MRM3: variants seen among roughly 807,000 people sequenced by gnomAD.
MRM3 encodes mitochondrial rRNA methyltransferase 3, also known as rRNA methyltransferase 3, mitochondrial.
Under a neutral mutation model 29.4 loss-of-function variants are expected in MRM3, and 26 were observed. That is an observed-to-expected ratio of 0.89 (90% CI 0.65 to 1.23). The LOEUF is 1.23. Among genes scored for constraint, MRM3 ranks in the 50% most tolerant of loss-of-function variants. The pLI, the probability that MRM3 is intolerant of heterozygous loss-of-function variation, is 0.00. For synonymous variants in MRM3, 225 were observed against 219.0 expected, an observed-to-expected ratio of 1.03 and a Z score of -0.24; for missense variants, 578 against 540.2, an observed-to-expected ratio of 1.07 and a Z score of -0.69.
At chr17:782,953 G>A in intron 1 of MRM3, 130 bp from the exon 2 acceptor site, 2 of 1,328,804 alleles carry the variant, frequency 1.5e-6, no homozygotes, top group East Asian at 2.4e-5. Flanking sequence ...CTCCCAATGT[G>A]CTGGGATTAC....
chr17:784,333 CT>C (rs1296322340), intron 2 of MRM3, among the ~76,000 whole-genome samples: 2 of 152,190 alleles, frequency 1.3e-5, no homozygotes, highest in Non-Finnish European at 2.9e-5. Flanking sequence ...AGGATGGGGA[CT>C]TGGATTACTA....
intron 3 of MRM3, among the ~76,000 whole-genome samples, chr17:789,568 C>G (rs762165342): frequency 1.3e-5 from 2 of 152,180 alleles, no homozygotes; most frequent in Non-Finnish European, 2.9e-5. Flanking sequence ...ACCCCAGCCA[C>G]CATTAAAAGT....
At chr17:786,479 A>G (rs1910540482) in intron 2 of MRM3, among the ~76,000 whole-genome samples, 1 of 152,030 alleles carries the variant, frequency 6.6e-6, no homozygotes, top group South Asian at 2.1e-4. Context: ...GTTTCACCGT[A>G]TTAGCCAGGA....
At chr17:788,325 G>C (rs1597596772) in intron 3 of MRM3, 193 bp downstream of exon 3, 1 of 545,950 alleles carries the variant, frequency 1.8e-6, no homozygotes, top group East Asian at 3.1e-5. Context: ...CCAGCAACTT[G>C]GGAGGCTGAG....
In MRM3 at chr17:782,386, C is replaced by A. The variant is rs1287098863; in HGVS notation, c.8C>A (p.Ala3Glu). The part of the protein sequence containing the change: MA[A>E]LVRPARFVVR... ...GCCCGGGTCTCAGGGAACATGGCGGCGCTGGTGAGACCCGCGAGGTTTGTC... is the reference window on the plus strand; with the variant it reads ...GCCCGGGTCTCAGGGAACATGGCGGAGCTGGTGAGACCCGCGAGGTTTGTC... The change falls in exon 1 of 4, where the codon GCG (alanine) becomes GAG (glutamate). Residue 3 changes from alanine (A) to glutamate (E), a missense_variant. Physicochemically the swap from Ala to Glu is moderately radical, Grantham distance 107. Transcript: ENST00000304478. 1 of 1,613,450 alleles carries A rather than the reference C, an allele frequency of 6.2e-7. No individual in the cohort carries two copies. The highest frequency in any genetic ancestry group is 2.2e-5 in the East Asian group (1 of 44,882).
In MRM3 at chr17:782,535, G is replaced by A. The variant is rs533889722; in HGVS notation, c.157G>A (p.Ala53Thr). The A allele has an allele frequency of 1.9e-6, 3 of 1,613,540 alleles. No individual in the cohort carries two copies. Among genetic ancestry groups the A allele is most frequent in the South Asian group, 2.2e-5 (2 of 91,084 alleles). ...PSGEVVEQKR[A>T]PGKQPRKAPS... The stretch of plus-strand genomic sequence containing the variant: ...CGGAGAGGTGGTGGAACAGAAGCGC[G>A]CTCCTGGGAAGCAGCCCCGCAAGGC... Residue 53 changes from alanine (A) to threonine (T), a missense_variant, in exon 1 of 4, where the codon GCT (alanine) becomes ACT (threonine). Physicochemically the swap from Ala to Thr is moderately conservative, Grantham distance 58. Coordinates refer to ENST00000304478, the MANE Select transcript of MRM3 (RefSeq NM_018146.4).
At position 791,788 on chromosome 17, in the gene MRM3, G is replaced by C. The variant is rs373092611; in HGVS notation, c.982G>C (p.Gly328Arg). The change falls in exon 4 of 4, where the codon GGA becomes CGA. Residue 328 changes from glycine to arginine, a missense_variant. Physicochemically the swap from Gly to Arg is moderately radical, Grantham distance 125. Transcript: ENST00000304478. Reference sequence around the variant, plus strand: ...TGAGGAAGAGGAAGATGTAGAAACCGGAGCCAGTCAAGATTGGCTGCCTCA... The same window carrying C: ...TGAGGAAGAGGAAGATGTAGAAACCCGAGCCAGTCAAGATTGGCTGCCTCA... ...KYEEEEDVET[G>R]ASQDWLPHVE... 1 of 1,614,184 alleles carries C rather than the reference G, an allele frequency of 6.2e-7. No homozygotes were observed. Among genetic ancestry groups the C allele is most frequent in the South Asian group, 1.1e-5 (1 of 91,092 alleles).
At chr17:790,284 T>TGCCTCATC (rs1910729409) in intron 3 of MRM3, 1 of 152,470 alleles carries the variant, frequency 6.6e-6, no homozygotes, top group Admixed American at 6.5e-5. Flanking sequence ...CTTGCCTCAT[T>TGCCTCATC]GCCTCATCTC....
In MRM3 at chr17:783,338, A is replaced by C; in HGVS notation, c.559+11A>C. 1.9e-6 allele frequency: 3 copies of C among 1,542,478 alleles called. No individual in the cohort carries two copies. The highest frequency in any genetic ancestry group is 2.3e-5 in the East Asian group (1 of 43,330). On this transcript the variant is annotated intron_variant, in intron 2 of 3. Transcript: ENST00000304478. ...CACAAGGAATAATGGGTTAGTGATT[A>C]CCCAGTGTATCTTTTTTTTTTTTTG...
Position 782,608 on chromosome 17 carries a change from A to G in MRM3, c.230A>G (p.Glu77Gly). 1 of 1,614,038 alleles carries G rather than the reference A, an allele frequency of 6.2e-7. No individual in the cohort carries two copies. Among genetic ancestry groups the G allele is most frequent in the Non-Finnish European group, 8.5e-7 (1 of 1,179,992 alleles). Residue 77 changes from glutamate to glycine, a missense_variant, in exon 1 of 4, where the codon GAG (glutamate) becomes GGG (glycine). Transcript: ENST00000304478. Reference protein sequence around the residue: ...AQEQREKQPLEESASRAPSTW... With the variant: ...AQEQREKQPLGESASRAPSTW... ...GAGCAACGAGAGAAACAACCGCTCG[A>G]GGAGTCCGCATCCCGCGCTCCCAGC...
chr17:791,569 G>C lies in MRM3; in HGVS notation c.763G>C (p.Ala255Pro). 1 of 1,614,126 alleles carries C rather than the reference G, an allele frequency of 6.2e-7. No homozygotes were observed. The highest frequency in any genetic ancestry group is 8.5e-7 in the Non-Finnish European group (1 of 1,180,008). ...VDAWEPKVLR[A>P]GMGAHFRMPI... Reference sequence around the variant, plus strand: ...TGCCTGGGAGCCCAAAGTGCTCCGGGCGGGTATGGGCGCACATTTCCGGAT... The same window carrying C: ...TGCCTGGGAGCCCAAAGTGCTCCGGCCGGGTATGGGCGCACATTTCCGGAT... The change falls in exon 4 of 4, where the codon GCG becomes CCG. Residue 255 changes from alanine (A) to proline (P), a missense_variant. Ala to Pro is a conservative substitution (Grantham distance 27). Coordinates refer to ENST00000304478, the MANE Select transcript of MRM3 (RefSeq NM_018146.4).
intron 2 of MRM3, 141 bp downstream of exon 2, chr17:783,468 C>G: frequency 1.2e-6 from 1 of 820,096 alleles, no homozygotes; most frequent in Non-Finnish European, 1.8e-6. Context: ...TCCGCAGTAG[C>G]TGGGATTACA....
intron 2 of MRM3, among the ~76,000 whole-genome samples, chr17:784,807 G>A (rs1441222980): frequency 6.6e-6 from 1 of 152,132 alleles, no homozygotes. Flanking sequence ...TAGAAGTAAA[G>A]GACTTCTAAG....
chr17:792,269 GTTCTT>G lies in MRM3; in HGVS notation c.*203_*207del, dbSNP rs929809850. On this transcript the variant is annotated 3_prime_UTR_variant, in exon 4 of 4. Transcript: ENST00000304478. Reference sequence around the variant, plus strand: ...TTCCTGTCGCGTCACTGATTTTGAGGTTCTTTTTTCTCTTGGTGACAATAGGTGAC... The same window carrying G: ...TTCCTGTCGCGTCACTGATTTTGAGGTTTTCTCTTGGTGACAATAGGTGAC... The G allele has an allele frequency of 7.2e-6, 4 of 555,520 alleles. No individual in the cohort carries two copies. Among genetic ancestry groups the G allele is most frequent in the African/African-American group, 3.8e-5 (2 of 52,922 alleles). 34.4% of individuals were successfully genotyped at this position (555,520 alleles called of 1,614,324 possible). A position where few individuals can be genotyped will look rare whatever the true frequency, so the allele number is the denominator to read the frequency against.
chr17:790,382 C>G (rs1910733985), intron 3 of MRM3: 1 of 159,476 alleles, frequency 6.3e-6, no homozygotes, highest in Admixed American at 6.5e-5. Flanking sequence ...CACTGCTTTG[C>G]TTAAGATCCC....
chr17:783,350 T>TG, intron 2 of MRM3, 23 bp downstream of exon 2: 2 of 723,710 alleles, frequency 2.8e-6, no homozygotes, highest in South Asian at 4.7e-5. Flanking sequence ...CCAGTGTATC[T>TG]TTTTTTTTTT....
At chr17:786,619 C>T (rs1172551227) in intron 2 of MRM3, among the ~76,000 whole-genome samples, 1 of 151,990 alleles carries the variant, frequency 6.6e-6, no homozygotes, top group African/African-American at 2.4e-5. Flanking sequence ...CCATGTTGTT[C>T]AGGCTGGTCT....
Position 788,041 on chromosome 17 carries a change from G to C in MRM3, c.636G>C (p.Leu212Phe), listed in dbSNP as rs774119501. 2.5e-6 allele frequency: 4 copies of C among 1,614,136 alleles called. No homozygotes were observed. The Admixed American group carries it at 6.7e-5, about 27-fold the overall frequency. ...TTCAGCATTCACTGCCTTTATTATT[G>C]ATTTGTGACAATCTCCGTGACCCTG... is the stretch of plus-strand genomic sequence containing the variant. ...TQLQHSLPLL[L>F]ICDNLRDPGN... The change falls in exon 3 of 4, where the codon TTG becomes TTC. Residue 212 changes from leucine (L) to phenylalanine (F), a missense_variant. By Grantham distance (22) the Leu-to-Phe change is conservative. Coordinates refer to ENST00000304478, the MANE Select transcript of MRM3 (RefSeq NM_018146.4).
At chr17:791,068 TC>T (rs1910797603) in intron 3 of MRM3, among the ~76,000 whole-genome samples, 1 of 152,176 alleles carries the variant, frequency 6.6e-6, no homozygotes, top group Non-Finnish European at 1.5e-5. Context: ...CTCTCCCGCT[TC>T]CTCTCCTAGC....
Sources: allele counts gnomAD v4.1 joint callset (sites outside exome capture counted in the v4.1 genomes callset), GRCh38; gene constraint gnomAD v4.1.1; transcripts MANE v1.5; gene names NCBI Gene and HGNC (gene_info 2026-07-23, HGNC 2026-07-21).